Variants in ARHGAP22 observed in about 807,000 individuals in gnomAD.
The protein encoded by ARHGAP22 is rho GTPase-activating protein 22.
In ARHGAP22, 48 loss-of-function variants were observed where a neutral mutation model predicts 59.1. The observed-to-expected ratio is 0.81, with a 90% CI of 0.64 to 1.03. The LOEUF (loss-of-function observed/expected upper bound fraction) is 1.03, where lower values mean the gene tolerates loss of function less well. Among genes scored for constraint, ARHGAP22 ranks in the 50% least tolerant of loss-of-function variants. ARHGAP22 has a pLI of 0.00. For synonymous variants in ARHGAP22, 445 were observed against 416.4 expected (o/e 1.07, Z -0.84); for missense variants, 1,015 against 958.7 (o/e 1.06, Z -0.78).
chr10:48,534,770 A>AC (rs2055193176), intron 3 of ARHGAP22, among the ~76,000 whole-genome samples: 3 of 152,314 alleles, frequency 2.0e-5, no homozygotes, highest in Non-Finnish European at 4.4e-5. Context: ...TCAGAATTAG[A>AC]ACTGAGGTGT....
intron 1 of ARHGAP22, among the ~76,000 whole-genome samples, chr10:48,618,236 G>A (rs765080756): frequency 6.6e-6 from 1 of 151,936 alleles, no homozygotes; most frequent in Admixed American, 6.6e-5. Context: ...GAAAAGCCCA[G>A]GACCTAATGC....
chr10:48,548,363 C>T (rs1289727945), intron 3 of ARHGAP22, among the ~76,000 whole-genome samples: 1 of 152,162 alleles, frequency 6.6e-6, no homozygotes, highest in African/African-American at 2.4e-5. Flanking sequence ...ACCCCATTTA[C>T]GGTTACTCAC....
At chr10:48,436,521 C>CAT in the ARHGAP22 span, 4 of 152,180 alleles carry the variant, frequency 2.6e-5, no homozygotes, top group African/African-American at 9.7e-5. Context: ...CTAGGAAATG[C>CAT]ATACTCACAT....
In ARHGAP22 at chr10:48,450,805, G is replaced by C. The variant is rs746623135; in HGVS notation, c.1324C>G (p.Pro442Ala). ...FRQPRSLSGS[P>A]KGGGSSLEVP... ...TCCAGGGATGAGCCGCCCCCCTTCG[G>C]GCTTCCCGATAGGGACCTCGGCTGC... Residue 442 changes from proline to alanine, a missense_variant, in exon 9 of 10, where the codon CCG (proline) becomes GCG (alanine). Physicochemically the swap from Pro to Ala is conservative, Grantham distance 27. Coordinates refer to ENST00000249601, the MANE Select transcript of ARHGAP22 (RefSeq NM_021226.4). 3 of 1,578,248 alleles carry C rather than the reference G, an allele frequency of 1.9e-6. No individual in the cohort carries two copies. The highest frequency in any genetic ancestry group is 2.6e-6 in the Non-Finnish European group (3 of 1,162,692).
Position 48,527,380 on chromosome 10 carries a change from G to A in ARHGAP22, c.322+28083C>T, listed in dbSNP as rs976113222. Among the ~76,000 whole-genome samples, 9 of 152,008 alleles carry A rather than the reference G, an allele frequency of 5.9e-5. No homozygotes were observed. The South Asian group carries it at 6.3e-4, about 11-fold the overall frequency. ...ACATGAATGGATGGGTGGATGGATC[G>A]TTGATTGGATGTAGGTGTGGATAGA... On this transcript the variant is annotated intron_variant, in intron 3 of 9. Transcript: ENST00000249601.
chr10:48,601,955 T>C (rs1232764537), intron 1 of ARHGAP22, among the ~76,000 whole-genome samples: 3 of 152,216 alleles, frequency 2.0e-5, no homozygotes, highest in Admixed American at 6.5e-5. Context: ...GGTCTTCAGA[T>C]AGTGTTGGGT....
intron 1 of ARHGAP22, among the ~76,000 whole-genome samples, chr10:48,623,197 C>A (rs990070925): frequency 6.6e-6 from 1 of 152,184 alleles, no homozygotes; most frequent in Admixed American, 6.5e-5. Context: ...TGCCTTTAAC[C>A]AGCCTGCCAT....
At chr10:48,616,961 T>C (rs2061104362) in intron 1 of ARHGAP22, among the ~76,000 whole-genome samples, 1 of 152,102 alleles carries the variant, frequency 6.6e-6, no homozygotes, top group African/African-American at 2.4e-5. Context: ...ACTTCACTTT[T>C]CTCATGTTAT....
At chr10:48,474,929 C>T (rs2048570905) in intron 4 of ARHGAP22, among the ~76,000 whole-genome samples, 1 of 152,138 alleles carries the variant, frequency 6.6e-6, no homozygotes, top group Non-Finnish European at 1.5e-5. Flanking sequence ...CCCTCCTACA[C>T]CATCAATCTT....
At chr10:48,594,497 G>A (rs2059949335) in intron 1 of ARHGAP22, among the ~76,000 whole-genome samples, 4 of 152,332 alleles carry the variant, frequency 2.6e-5, no homozygotes, top group Middle Eastern at 6.8e-3. Flanking sequence ...GAGATCATAT[G>A]GATCATGATG....
chr10:48,619,214 G>A (rs1319569974), intron 1 of ARHGAP22, among the ~76,000 whole-genome samples: 1 of 152,122 alleles, frequency 6.6e-6, no homozygotes, highest in Middle Eastern at 3.4e-3. Flanking sequence ...AAAATAGAAA[G>A]GCATCACATA....
intron 2 of ARHGAP22, among the ~76,000 whole-genome samples, chr10:48,574,372 T>C (rs10491040): frequency 0.14 from 21,362 of 152,204 alleles, 1,708 homozygotes; most frequent in Admixed American, 0.24. Flanking sequence ...AGGTTTATGA[T>C]ATAGAATGGA....
intron 3 of ARHGAP22, among the ~76,000 whole-genome samples, chr10:48,533,565 A>G (rs1412705350): frequency 6.6e-6 from 1 of 152,232 alleles, no homozygotes; most frequent in African/African-American, 2.4e-5. Context: ...CCTGTGTGGA[A>G]TAACAAAGGA....
intron 5 of ARHGAP22, among the ~76,000 whole-genome samples, chr10:48,455,453 G>A (rs908677505): frequency 9.2e-5 from 14 of 152,216 alleles, no homozygotes; most frequent in African/African-American, 2.7e-4. Flanking sequence ...CCTGTCCTGC[G>A]TAGACTGCGT....
intron 1 of ARHGAP22, among the ~76,000 whole-genome samples, chr10:48,622,602 T>G (rs765696584): frequency 3.9e-5 from 6 of 152,194 alleles, no homozygotes; most frequent in Non-Finnish European, 8.8e-5. Context: ...GAACTTGGGT[T>G]TTGGAATTAG....
At chr10:48,637,105 T>G (rs1407130851) in intron 1 of ARHGAP22, among the ~76,000 whole-genome samples, 1 of 152,164 alleles carries the variant, frequency 6.6e-6, no homozygotes, top group Non-Finnish European at 1.5e-5. Flanking sequence ...TCTGAGAAGC[T>G]GATCTCCCCA....
At chr10:48,560,390 C>T (rs559646452) in intron 2 of ARHGAP22, among the ~76,000 whole-genome samples, 2 of 152,216 alleles carry the variant, frequency 1.3e-5, no homozygotes, top group South Asian at 4.1e-4. Context: ...TCATTTTTTA[C>T]TTCAGTAGAT....
At chr10:48,650,948 C>T (rs2062536391) in intron 1 of ARHGAP22, among the ~76,000 whole-genome samples, 1 of 152,154 alleles carries the variant, frequency 6.6e-6, no homozygotes, top group African/African-American at 2.4e-5. Flanking sequence ...GGCTTCTAGC[C>T]CACTCCGTTC....
intron 3 of ARHGAP22, among the ~76,000 whole-genome samples, chr10:48,501,353 A>G (rs536340383): frequency 2.6e-4 from 40 of 152,352 alleles, no homozygotes; most frequent in Admixed American, 7.8e-4. Context: ...ATAAAGTGAC[A>G]GGTGAAATGA....
Sources: gnomAD v4.1 joint callset for allele counts (sites outside exome capture counted in the v4.1 genomes callset) on GRCh38, gnomAD v4.1.1 for gene constraint, MANE v1.5 for transcripts, NCBI Gene and HGNC (gene_info 2026-07-23, HGNC 2026-07-21) for gene names.